Variants in HEPHL1 observed in about 807,000 individuals in gnomAD.
HEPHL1 encodes ferroxidase HEPHL1.
A neutral mutation model predicts 122.0 loss-of-function variants in HEPHL1; 123 were observed. That is an observed-to-expected ratio of 1.01 (90% CI 0.87 to 1.17). The LOEUF is 1.17. HEPHL1 is among the 50% of genes most tolerant of loss of function. The pLI, the probability that HEPHL1 is intolerant of heterozygous loss-of-function variation, is 0.00. For missense variants in HEPHL1, 1,452 were observed against 1,430.5 expected (o/e 1.01, Z -0.24); for synonymous variants, 527 against 508.9 (o/e 1.04, Z -0.48).
chr11:94,093,991 T>G (rs1344641593), intron 13 of HEPHL1, among the ~76,000 whole-genome samples: 1,044 of 86,586 alleles, frequency 0.012, 90 homozygotes, highest in Non-Finnish European at 0.017. Context: ...TATATATATA[T>G]ATATATATAT....
chr11:94,058,209 C>T (rs941513102), intron 2 of HEPHL1, among the ~76,000 whole-genome samples: 1 of 152,114 alleles, frequency 6.6e-6, no homozygotes, highest in African/African-American at 2.4e-5. Context: ...CTCCTCTTAG[C>T]TGATGTTCAG....
intron 17 of HEPHL1, among the ~76,000 whole-genome samples, chr11:94,109,753 G>A (rs967580643): frequency 3.9e-5 from 6 of 152,152 alleles, no homozygotes; most frequent in African/African-American, 1.4e-4. Context: ...TGTTATGGAT[G>A]ATGGTATCTA....
chr11:94,068,104 G>C (rs1015675603), intron 5 of HEPHL1, among the ~76,000 whole-genome samples: 12 of 152,198 alleles, frequency 7.9e-5, no homozygotes, highest in African/African-American at 2.7e-4. Context: ...GGAGCAATCA[G>C]AGGGGCTTCC....
chr11:94,067,465 GTC>G (rs749992924), intron 4 of HEPHL1, 29 bp from the exon 5 acceptor site: 3 of 1,606,468 alleles, frequency 1.9e-6, no homozygotes, highest in South Asian at 2.2e-5. Context: ...CTGCAGGGGA[GTC>G]TCTTCCACTA....
intron 2 of HEPHL1, chr11:94,056,116 T>C (rs1591471388): frequency 3.4e-6 from 1 of 293,220 alleles, no homozygotes; most frequent in African/African-American, 2.2e-5. Context: ...TATTGACCCT[T>C]TTATCGCGAC....
In HEPHL1 at chr11:94,045,884, C is replaced by G; in HGVS notation, c.382C>G (p.Pro128Ala). 1.2e-6 allele frequency: 2 copies of G among 1,613,852 alleles called. No homozygotes were observed. Among genetic ancestry groups the G allele is most frequent in the Non-Finnish European group, 1.7e-6 (2 of 1,179,792 alleles). ...TGCTTCTCGACCTTACTCTCTGCAT[C>G]CACATGGCGTTTTCTACAACAAAGA... Reference protein sequence around the residue: ...NFASRPYSLHPHGVFYNKDSE... With the variant: ...NFASRPYSLHAHGVFYNKDSE... Residue 128 changes from proline (P) to alanine (A), a missense_variant, in exon 2 of 20, where the codon CCA becomes GCA. Pro to Ala is a conservative substitution (Grantham distance 27). Transcript: ENST00000315765.
intron 5 of HEPHL1, among the ~76,000 whole-genome samples, chr11:94,070,135 T>G (rs1036958789): frequency 8.5e-5 from 13 of 152,194 alleles, no homozygotes; most frequent in African/African-American, 3.1e-4. Context: ...TCATTTTCTA[T>G]TGGAGATTTA....
intron 10 of HEPHL1, among the ~76,000 whole-genome samples, chr11:94,083,083 T>TAA (rs35037205): frequency 1.9e-3 from 274 of 142,200 alleles, no homozygotes; most frequent in Middle Eastern, 7.5e-3. Flanking sequence ...AGACTCCGTC[T>TAA]AAAAAAAAAA....
intron 2 of HEPHL1, among the ~76,000 whole-genome samples, chr11:94,046,425 T>C (rs559710983): frequency 9.9e-5 from 15 of 150,876 alleles, no homozygotes; most frequent in South Asian, 2.1e-4. Context: ...TTTCCCTTAT[T>C]TCCTACCTCT....
At chr11:94,107,543 T>C (rs1946418489) in intron 17 of HEPHL1, among the ~76,000 whole-genome samples, 3 of 152,198 alleles carry the variant, frequency 2.0e-5, no homozygotes, top group Non-Finnish European at 4.4e-5. Flanking sequence ...ATTTTACCAT[T>C]GCACCCTCTA....
At chr11:94,054,448 CAGTT>C (rs1190033380) in intron 2 of HEPHL1, among the ~76,000 whole-genome samples, 1 of 152,202 alleles carries the variant, frequency 6.6e-6, no homozygotes, top group Non-Finnish European at 1.5e-5. Flanking sequence ...AATCTACACT[CAGTT>C]AGTTCACACT....
At chr11:94,086,242 C>A in intron 11 of HEPHL1, 53 bp downstream of exon 11, 1 of 1,338,770 alleles carries the variant, frequency 7.5e-7, no homozygotes, top group Non-Finnish European at 1.0e-6. Context: ...TCAGGCTCAT[C>A]CTCTTAGAGT....
chr11:94,064,302 C>G (rs1751545681), intron 3 of HEPHL1, 29 bp from the exon 4 acceptor site: 1 of 1,558,978 alleles, frequency 6.4e-7, no homozygotes, highest in Admixed American at 1.8e-5. Flanking sequence ...TTAGTTCTTT[C>G]TCTCTACTCT....
intron 2 of HEPHL1, chr11:94,055,874 C>A: frequency 3.1e-6 from 2 of 648,302 alleles, no homozygotes; most frequent in Non-Finnish European, 5.3e-6. Context: ...TAGCTCTGTG[C>A]TCAGCATCCA....
chr11:94,101,895 A>T (rs1486586620), intron 14 of HEPHL1, among the ~76,000 whole-genome samples: 1 of 152,186 alleles, frequency 6.6e-6, no homozygotes, highest in Non-Finnish European at 1.5e-5. Context: ...GTCTGAAAAT[A>T]TTAAGAAATT....
At position 94,113,181 on chromosome 11, in the gene HEPHL1, A is replaced by G. The variant is rs1946465611; in HGVS notation, c.*1287A>G. 1.3e-5 allele frequency: 2 copies of G among 152,214 alleles called. No homozygotes were observed. Among genetic ancestry groups the G allele is most frequent in the South Asian group, 2.1e-4 (1 of 4,826 alleles). The allele number at this position is 152,214 out of a possible 1,614,324, so 9.4% of individuals were successfully genotyped here. ...ATACCTATGCTTAGACAGTAGGTGT[A>G]AGATTGATAAAAGTAACATTGTTTA... On this transcript the variant is annotated 3_prime_UTR_variant, in exon 20 of 20. Transcript: ENST00000315765.
rs138854524 is a variant in HEPHL1, at chr11:94,030,480, C to T, written c.170+8942C>T. Among the ~76,000 whole-genome samples the T allele has an allele frequency of 9.6e-4, 146 of 152,304 alleles. 2 individuals carry two copies. The highest frequency in any genetic ancestry group is 3.4e-3 in the African/African-American group (142 of 41,566). ...GGTCCCAGGTTCCTTTTGGCTCTCA[C>T]TTGACCATTCCTAGGGTGTGACCCT... On this transcript the variant is annotated intron_variant, in intron 1 of 19. Transcript: ENST00000315765.
At position 94,045,923 on chromosome 11, in the gene HEPHL1, T is replaced by C; in HGVS notation, c.415+6T>C. On this transcript the variant is annotated splice_donor_region_variant and intron_variant, in intron 2 of 19. Coordinates refer to ENST00000315765, the MANE Select transcript of HEPHL1 (RefSeq NM_001098672.2). ...CTACAACAAAGATTCAGAAGGTAAA[T>C]ATCAATCCTTTATTACTGGGGTCTT... 1 of 1,613,008 alleles carries C rather than the reference T, an allele frequency of 6.2e-7. No homozygotes were observed. The highest frequency in any genetic ancestry group is 8.5e-7 in the Non-Finnish European group (1 of 1,179,410).
At chr11:94,088,436 G>C (rs1946235546) in intron 11 of HEPHL1, among the ~76,000 whole-genome samples, 1 of 152,204 alleles carries the variant, frequency 6.6e-6, no homozygotes, top group Non-Finnish European at 1.5e-5. Context: ...AGTCATTGGT[G>C]ATTTTCCAGG....
Sources: allele counts gnomAD v4.1 joint callset (sites outside exome capture counted in the v4.1 genomes callset), GRCh38; gene constraint gnomAD v4.1.1; transcripts MANE v1.5; gene names NCBI Gene and HGNC (gene_info 2026-07-23, HGNC 2026-07-21).